The following MALRD1 variants were observed in gnomAD, a reference collection of about 807,000 sequenced individuals.
MALRD1 encodes the protein MAM and LDL-receptor class A domain-containing protein 1.
In MALRD1, 247 loss-of-function variants were observed where a neutral mutation model predicts 242.1. The ratio of observed to expected loss-of-function variants is 1.02; its 90% CI spans 0.92 to 1.13. The LOEUF (loss-of-function observed/expected upper bound fraction) is 1.13. MALRD1 is among the 50% of genes most tolerant of loss of function. The pLI is 0.00. For synonymous variants in MALRD1, 995 were observed against 866.6 expected, an observed-to-expected ratio of 1.15 and a Z score of -2.60; for missense variants, 2,989 against 2,533.1, an observed-to-expected ratio of 1.18 and a Z score of -3.86.
At chr10:19,195,625 A>G (rs1248750743) in intron 14 of MALRD1, among the ~76,000 whole-genome samples, 1 of 152,228 alleles carries the variant, frequency 6.6e-6, no homozygotes, top group Non-Finnish European at 1.5e-5. Flanking sequence ...GTCCGGGGTT[A>G]GAAATGACAA....
chr10:19,270,765 A>T (rs1840190242), intron 19 of MALRD1, among the ~76,000 whole-genome samples: 1 of 150,476 alleles, frequency 6.6e-6, no homozygotes, highest in Admixed American at 6.6e-5. Flanking sequence ...AAGCAAAGCA[A>T]AACTTTTTCA....
intron 36 of MALRD1, among the ~76,000 whole-genome samples, chr10:19,618,074 T>C (rs1213222804): frequency 6.6e-6 from 1 of 152,078 alleles, no homozygotes; most frequent in African/African-American, 2.4e-5. Context: ...AGTGAGAACA[T>C]GTGGTGTTTG....
chr10:19,531,714 C>A lies in MALRD1; in HGVS notation c.5478+363C>A, dbSNP rs961618936. Among the ~76,000 whole-genome samples the A allele has an allele frequency of 3.9e-5, 6 of 152,120 alleles. No homozygotes were observed. The East Asian group carries it at 1.2e-3, about 29-fold the overall frequency. On this transcript the variant is annotated intron_variant, in intron 32 of 39. Transcript: ENST00000454679. ...TAATGGTGAGGAAGATAATTTTCTA[C>A]CCAAAATTCAGTTAAGGAAAAGCAA...
At position 19,595,472 on chromosome 10, in the gene MALRD1, C is replaced by G; in HGVS notation, c.5944+15C>G. 6.5e-7 allele frequency: 1 copy of G among 1,543,820 alleles called. No individual in the cohort carries two copies. The highest frequency in any genetic ancestry group is 8.8e-7 in the Non-Finnish European group (1 of 1,141,980). ...GCTCATCTGCTGTGAGTTATTTTCA[C>G]TAACTCAATGTGTAAGGGAAGGCAT... On this transcript the variant is annotated intron_variant, in intron 34 of 39. Coordinates refer to ENST00000454679, the MANE Select transcript of MALRD1 (RefSeq NM_001142308.3).
At chr10:19,073,860 G>A (rs1385109380) in intron 2 of MALRD1, among the ~76,000 whole-genome samples, 2 of 152,022 alleles carry the variant, frequency 1.3e-5, no homozygotes, top group African/African-American at 2.4e-5. Context: ...ACAAAATTTG[G>A]GTTTGAATAA....
chr10:19,334,130 T>TTTG (rs1843506651), intron 24 of MALRD1, among the ~76,000 whole-genome samples: 1 of 147,390 alleles, frequency 6.8e-6, no homozygotes, highest in African/African-American at 2.5e-5. Flanking sequence ...TTTTTTTTTT[T>TTTG]TTTTTTTTTT....
chr10:19,442,845 G>T (rs938998872), intron 28 of MALRD1, among the ~76,000 whole-genome samples: 2 of 152,154 alleles, frequency 1.3e-5, no homozygotes, highest in African/African-American at 2.4e-5. Flanking sequence ...CAATGAGTTA[G>T]GGAGGATTCC....
At chr10:19,668,983 A>G (rs569364182) in intron 36 of MALRD1, among the ~76,000 whole-genome samples, 4 of 152,228 alleles carry the variant, frequency 2.6e-5, no homozygotes, top group Non-Finnish European at 5.9e-5. Flanking sequence ...GGAAAGATTT[A>G]TTCCAAGGCC....
At chr10:19,165,890 C>T in intron 13 of MALRD1, 80 bp downstream of exon 13, 1 of 1,043,974 alleles carries the variant, frequency 9.6e-7, no homozygotes, top group South Asian at 4.9e-5. Flanking sequence ...ATATAACACA[C>T]ATAGCTCATA....
At chr10:19,142,720 ATAGATTTTTT>A (rs1316913625) in intron 10 of MALRD1, among the ~76,000 whole-genome samples, 3 of 152,218 alleles carry the variant, frequency 2.0e-5, no homozygotes, top group Non-Finnish European at 4.4e-5. Context: ...TATAACATGA[ATAGATTTTTT>A]TAGATTTTGC....
At chr10:19,221,659 A>G (rs1034707506) in intron 18 of MALRD1, among the ~76,000 whole-genome samples, 1 of 152,286 alleles carries the variant, frequency 6.6e-6, no homozygotes, top group Middle Eastern at 3.4e-3. Context: ...AAGAAAACAC[A>G]TCAGATGTCT....
At chr10:19,352,425 C>T in intron 26 of MALRD1, 128 bp downstream of exon 26, 2 of 897,700 alleles carry the variant, frequency 2.2e-6, no homozygotes, top group Non-Finnish European at 1.6e-6. Flanking sequence ...AATATAAGAT[C>T]TTTTTAAACT....
At chr10:19,163,137 TAAAAAA>T (rs58034381) in intron 12 of MALRD1, among the ~76,000 whole-genome samples, 1,226 of 43,798 alleles carry the variant, frequency 0.028, 38 homozygotes, top group African/African-American at 0.097. Flanking sequence ...AAACCCTGTC[TAAAAAA>T]AAAAAAAAAA....
Position 19,335,724 on chromosome 10 carries a change from G to T in MALRD1, c.3901+4142G>T, listed in dbSNP as rs141775966. On this transcript the variant is annotated intron_variant, in intron 24 of 39. Transcript: ENST00000454679. ...AAGGCTTTGAAAATGTGATTAGGTAGAAATATACCATCTAGGAATAGCAGA... is the reference window on the plus strand; with the variant it reads ...AAGGCTTTGAAAATGTGATTAGGTATAAATATACCATCTAGGAATAGCAGA... 2.0e-4 allele frequency among the ~76,000 whole-genome samples: 31 copies of T among 152,168 alleles called. No homozygotes were observed. The East Asian group carries it at 6.0e-3, about 29-fold the overall frequency.
intron 26 of MALRD1, among the ~76,000 whole-genome samples, chr10:19,358,056 T>C (rs1176496196): frequency 6.6e-6 from 1 of 152,022 alleles, no homozygotes; most frequent in Non-Finnish European, 1.5e-5. Flanking sequence ...AAAATAATTG[T>C]TTTATGAATT....
chr10:19,148,782 A>ATATATATATATATATATAT (rs1363943174), intron 11 of MALRD1, among the ~76,000 whole-genome samples: 8 of 80,856 alleles, frequency 9.9e-5, no homozygotes, highest in African/African-American at 4.0e-4. Flanking sequence ...TTAAAAAAAA[A>ATATATATATATATATATAT]AAAAAAATAT....
chr10:19,404,054 CA>C (rs1308283111), intron 28 of MALRD1, among the ~76,000 whole-genome samples: 2 of 151,964 alleles, frequency 1.3e-5, no homozygotes, highest in Admixed American at 1.3e-4. Flanking sequence ...AATGTCTAAG[CA>C]GAAGATAAAC....
At chr10:19,599,329 G>A (rs117369369) in intron 34 of MALRD1, among the ~76,000 whole-genome samples, 2,106 of 152,178 alleles carry the variant, frequency 0.014, 21 homozygotes, top group Non-Finnish European at 0.023. Context: ...AAACCTGTGA[G>A]TTCAACGTTT....
chr10:19,704,957 A>G (rs928011501), intron 38 of MALRD1, among the ~76,000 whole-genome samples: 3 of 152,188 alleles, frequency 2.0e-5, no homozygotes, highest in Non-Finnish European at 4.4e-5. Flanking sequence ...GACTAGCTAC[A>G]GCAACATGAC....
Sources: allele counts gnomAD v4.1 joint callset (sites outside exome capture counted in the v4.1 genomes callset), GRCh38; gene constraint gnomAD v4.1.1; transcripts MANE v1.5; gene names NCBI Gene and HGNC (gene_info 2026-07-23, HGNC 2026-07-21).